EMC1: variants seen among roughly 807,000 people sequenced by gnomAD.
EMC1 encodes ER membrane protein complex subunit 1, also known as KIAA0090.
A neutral mutation model predicts 128.8 loss-of-function variants in EMC1; 103 were observed. That is an observed-to-expected ratio of 0.80 (90% CI 0.68 to 0.94). The LOEUF (loss-of-function observed/expected upper bound fraction) is 0.94. EMC1 is among the 40% of genes least tolerant of loss of function. The pLI, the probability that EMC1 is intolerant of heterozygous loss-of-function variation, is 0.00. For synonymous variants in EMC1, 442 were observed against 490.4 expected (o/e 0.90, Z 1.30); for missense variants, 1,083 against 1,250.6 (o/e 0.87, Z 2.02).
intron 2 of EMC1, 48 bp downstream of exon 2, chr1:19,244,858 T>G (rs2093624760): frequency 6.2e-7 from 1 of 1,608,282 alleles, no homozygotes; most frequent in Non-Finnish European, 8.5e-7. Flanking sequence ...CAATGGTAAG[T>G]CTTTCATCCC....
Position 19,241,154 on chromosome 1 carries a change from A to G in EMC1, c.510-12T>C, listed in dbSNP as rs1298948562. ...AGTGGATGCTGTCACTAAGAGAGGG[A>G]AGAAGAAACCGCAGCGTCAGCTTTC... On this transcript the variant is annotated splice_polypyrimidine_tract_variant and intron_variant, in intron 5 of 22. Coordinates refer to ENST00000477853, the MANE Select transcript of EMC1 (RefSeq NM_015047.3). The G allele has an allele frequency of 6.2e-7, 1 of 1,613,848 alleles. No homozygotes were observed. The highest frequency in any genetic ancestry group is 2.2e-5 in the East Asian group (1 of 44,878).
At chr1:19,242,319 T>C in intron 5 of EMC1, 26 bp downstream of exon 5, 4 of 1,613,270 alleles carry the variant, frequency 2.5e-6, no homozygotes, top group Non-Finnish European at 3.4e-6. Flanking sequence ...ACGAGGCAGC[T>C]ATTGCCTGTG....
At chr1:19,251,361 C>A in intron 1 of EMC1, 54 bp downstream of exon 1, 1 of 1,475,684 alleles carries the variant, frequency 6.8e-7, no homozygotes, top group Non-Finnish European at 9.5e-7. Context: ...AGGTAGGAGA[C>A]AGGTACTGGG....
Position 19,238,052 on chromosome 1 carries a change from A to T in EMC1, c.1177T>A (p.Phe393Ile). The change falls in exon 11 of 23, where the codon TTT (phenylalanine) becomes ATT (isoleucine). Residue 393 changes from phenylalanine to isoleucine, a missense_variant. Physicochemically the swap from Phe to Ile is conservative, Grantham distance 21. This residue lies in a region of EMC1 where 544 missense variants were observed against 572.4 expected (regional missense o/e 0.95). Transcript: ENST00000477853. ...GRRLLDTTITFSLEQSGTRPE... is the reference protein window; with the variant it reads ...GRRLLDTTITISLEQSGTRPE... ...CGAGTGCCGCTCTGTTCCAGGCTAAATGTTATCGTGGTGTCCAGCAGCCGC... is the reference window on the plus strand; with the variant it reads ...CGAGTGCCGCTCTGTTCCAGGCTAATTGTTATCGTGGTGTCCAGCAGCCGC... 6.2e-7 allele frequency: 1 copy of T among 1,614,064 alleles called. No homozygotes were observed. Among genetic ancestry groups the T allele is most frequent in the Non-Finnish European group, 8.5e-7 (1 of 1,179,994 alleles).
chr1:19,249,338 G>C (rs567053029), intron 1 of EMC1, among the ~76,000 whole-genome samples: 15 of 152,072 alleles, frequency 9.9e-5, no homozygotes, highest in Non-Finnish European at 1.8e-4. Context: ...CCCTATACCA[G>C]TGTACCATTT....
At chr1:19,219,775 G>C (rs2093417452) in intron 21 of EMC1, 77 bp from the exon 22 acceptor site, 2 of 1,569,194 alleles carry the variant, frequency 1.3e-6, no homozygotes, top group Admixed American at 3.4e-5. Context: ...CTGAGTCCTG[G>C]GAGGTTTCCA....
chr1:19,251,494 C>T lies in EMC1; in HGVS notation c.16G>A (p.Ala6Thr). Reference sequence around the variant, plus strand: ...GTAGCCCAAAGCCAGAAACGAGAAGCCCACTCAGCCGCCATGATGCGAGCG... The same window carrying T: ...GTAGCCCAAAGCCAGAAACGAGAAGTCCACTCAGCCGCCATGATGCGAGCG... MAAEW[A>T]SRFWLWATLL... The change falls in exon 1 of 23, where the codon GCT (alanine) becomes ACT (threonine). Residue 6 changes from alanine to threonine, a missense_variant. By Grantham distance (58) the Ala-to-Thr change is moderately conservative. Around this residue, in one of 3 missense-constraint regions of EMC1, gnomAD observed 544 missense variants for 572.4 expected, o/e 0.95. Coordinates refer to ENST00000477853, the MANE Select transcript of EMC1 (RefSeq NM_015047.3). The T allele has an allele frequency of 1.2e-6, 2 of 1,614,116 alleles. No homozygotes were observed. The highest frequency in any genetic ancestry group is 1.6e-4 in the Middle Eastern group (1 of 6,062).
intron 18 of EMC1, among the ~76,000 whole-genome samples, chr1:19,226,190 C>T (rs1377636901): frequency 6.6e-6 from 1 of 152,198 alleles, no homozygotes; most frequent in African/African-American, 2.4e-5. Context: ...TCTCCCATAA[C>T]AGTTTTGCAG....
chr1:19,240,481 A>G lies in EMC1; in HGVS notation c.637-35T>C, dbSNP rs781774335. ...AGTCATCGTTAACAGGAAGCTCGTG[A>G]AAGATTTTTACATTTCCCTCTCAGC... On this transcript the variant is annotated intron_variant, in intron 6 of 22. Coordinates refer to ENST00000477853, the MANE Select transcript of EMC1 (RefSeq NM_015047.3). 12 of 1,612,122 alleles carry G rather than the reference A, an allele frequency of 7.4e-6. No individual in the cohort carries two copies. The Admixed American group carries it at 1.5e-4, about 20-fold the overall frequency.
chr1:19,237,953 G>C, intron 11 of EMC1, 64 bp downstream of exon 11: 1 of 1,580,562 alleles, frequency 6.3e-7, no homozygotes, highest in Non-Finnish European at 8.6e-7. Flanking sequence ...ACCTGGCCCT[G>C]AGGAAAGGAA....
Position 19,219,528 on chromosome 1 carries a change from T to C in EMC1, c.2802+41A>G. 1.2e-6 allele frequency: 2 copies of C among 1,613,732 alleles called. No individual in the cohort carries two copies. The highest frequency in any genetic ancestry group is 3.3e-4 in the Middle Eastern group (2 of 6,062). ...GAATTAGGAAAGAAACAACCAATGA[T>C]CCACCAAGGGTGAAATAGGGCAGCT... On this transcript the variant is annotated intron_variant, in intron 22 of 22. Coordinates refer to ENST00000477853, the MANE Select transcript of EMC1 (RefSeq NM_015047.3).
At chr1:19,224,615 A>T (rs1293074381) in intron 18 of EMC1, among the ~76,000 whole-genome samples, 3 of 152,080 alleles carry the variant, frequency 2.0e-5, no homozygotes, top group Admixed American at 2.0e-4. Flanking sequence ...CACCATCAGC[A>T]CCTGGATGAC....
At chr1:19,228,942 G>A (rs1383206481) in intron 17 of EMC1, among the ~76,000 whole-genome samples, 1 of 152,140 alleles carries the variant, frequency 6.6e-6, no homozygotes, top group Non-Finnish European at 1.5e-5. Context: ...GTCTTGGGAA[G>A]CTGAGGCAGG....
intron 17 of EMC1, among the ~76,000 whole-genome samples, chr1:19,228,969 A>G (rs2093499366): frequency 6.6e-6 from 1 of 152,160 alleles, no homozygotes; most frequent in South Asian, 2.1e-4. Context: ...GCTTGAAACC[A>G]GGAGGCAGAG....
At chr1:19,249,224 A>G (rs2093645739) in intron 1 of EMC1, among the ~76,000 whole-genome samples, 1 of 152,216 alleles carries the variant, frequency 6.6e-6, no homozygotes, top group South Asian at 2.1e-4. Flanking sequence ...TAAAGTCCAC[A>G]GTAGTGTACA....
In EMC1 at chr1:19,238,005, G is replaced by T; in HGVS notation, c.1212+12C>A. ...CCCACAGGACAGTCTGCAAAGAAAG[G>T]CTCTGCCTTACCCGCTCAGGCCGAG... On this transcript the variant is annotated intron_variant, in intron 11 of 22. Coordinates refer to ENST00000477853, the MANE Select transcript of EMC1 (RefSeq NM_015047.3). 1 of 1,612,636 alleles carries T rather than the reference G, an allele frequency of 6.2e-7. No individual in the cohort carries two copies. Among genetic ancestry groups the T allele is most frequent in the Non-Finnish European group, 8.5e-7 (1 of 1,179,444 alleles).
chr1:19,225,984 G>A (rs2093470186), intron 18 of EMC1, among the ~76,000 whole-genome samples: 1 of 152,134 alleles, frequency 6.6e-6, no homozygotes, highest in African/African-American at 2.4e-5. Flanking sequence ...CAGCCTAAGA[G>A]ATGAACAGCT....
chr1:19,229,307 T>C (rs886787426), intron 17 of EMC1: 1 of 152,214 alleles, frequency 6.6e-6, no homozygotes, highest in Non-Finnish European at 1.5e-5. Context: ...AAATTATTAA[T>C]AATAAGCCTT....
chr1:19,221,084 G>A (rs999508292), intron 20 of EMC1: 8 of 364,760 alleles, frequency 2.2e-5, no homozygotes, highest in Non-Finnish European at 4.0e-5. Context: ...TAAAGTTCTA[G>A]AATCAAGATA....
Sources: allele counts gnomAD v4.1 joint callset (sites outside exome capture counted in the v4.1 genomes callset), GRCh38; gene constraint gnomAD v4.1.1; regional missense constraint gnomAD v4.1.1; transcripts MANE v1.5; gene names NCBI Gene and HGNC (gene_info 2026-07-23, HGNC 2026-07-21).